The following RUFY4 variants were observed in gnomAD, a reference collection of about 807,000 sequenced individuals.
The protein encoded by RUFY4 is RUN and FYVE domain-containing protein 4.
A neutral mutation model predicts 69.0 loss-of-function variants in RUFY4; 73 were observed. The ratio of observed to expected loss-of-function variants is 1.06; its 90% CI spans 0.88 to 1.29. The LOEUF is 1.29. Among genes scored for constraint, RUFY4 ranks in the 50% most tolerant of loss-of-function variants. The pLI is 0.00. For missense variants in RUFY4, 770 were observed against 705.6 expected, an observed-to-expected ratio of 1.09 and a Z score of -1.03; for synonymous variants, 287 against 271.8, an observed-to-expected ratio of 1.06 and a Z score of -0.55.
chr2:218,067,880 G>A (rs151332912), upstream of RUFY4, among the ~76,000 whole-genome samples: 1 of 152,318 alleles, frequency 6.6e-6, no homozygotes, highest in African/African-American at 2.4e-5. Context: ...AGCTGGCTGT[G>A]TGGGAGGTGG....
chr2:218,072,615 TA>T, intron 3 of RUFY4, 116 bp downstream of exon 5: 2 of 1,421,612 alleles, frequency 1.4e-6, no homozygotes, highest in South Asian at 1.4e-5. Context: ...GCATGTCTCC[TA>T]AGCCCTGCCC....
At position 218,057,078 on chromosome 2, in the gene RUFY4, C is replaced by CAA. The variant is rs1026307473; in HGVS notation, c.-1157-1502_-1157-1501dup. ...TGGGCAACAGAGTGAGACTCTATCT[C>CAA]AAAAAAAAAAAAAAAAGAGAGAGAG... On this transcript the variant is annotated intron_variant and NMD_transcript_variant, in intron 2 of 13. Coordinates refer to the RUFY4 transcript ENST00000457754. Among the ~76,000 whole-genome samples the CAA allele has an allele frequency of 8.8e-5, 11 of 124,402 alleles. 1 individual carries two copies. The highest frequency in any genetic ancestry group is 2.4e-4 in the African/African-American group (8 of 33,404). 81.6% of individuals were successfully genotyped at this position (124,402 alleles called of 152,430 possible). A position where few individuals can be genotyped will look rare whatever the true frequency, so the allele number is the denominator to read the frequency against.
chr2:218,082,327 A>G (rs1043904948), intron 8 of RUFY4, among the ~76,000 whole-genome samples: 8 of 152,176 alleles, frequency 5.3e-5, no homozygotes, highest in Admixed American at 6.5e-5. Flanking sequence ...CCTTCCACAC[A>G]CAATTATTTC....
At chr2:218,063,066 C>T (rs74756812) in intron 3 of RUFY4, among the ~76,000 whole-genome samples, 2,649 of 152,338 alleles carry the variant, frequency 0.017, 36 homozygotes, top group Non-Finnish European at 0.027. Context: ...GGAGAGATCC[C>T]GCTCTGGGGA....
At chr2:218,060,623 AG>A in intron 3 of RUFY4, 1 of 1,351,768 alleles carries the variant, frequency 7.4e-7, no homozygotes. Flanking sequence ...ACCAGGTTGT[AG>A]GGCAGCCAGC....
In RUFY4 at chr2:218,073,338, T is replaced by A; in HGVS notation, c.482T>A (p.Leu161Ter). ...GCTCTCAATGGGGTGGCCTTCGAGT[T>A]GGACCTCCAGCAGCCAGACCTGGAT... is the stretch of plus-strand genomic sequence containing the variant. The change falls in exon 5 of 11, where the codon TTG becomes TAG. Residue 161 changes from leucine to a stop codon, truncating the protein, a stop_gained. Coordinates refer to ENST00000344321, the Ensembl canonical transcript of RUFY4. LOFTEE classifies it high-confidence loss of function. 6.3e-7 allele frequency: 1 copy of A among 1,585,620 alleles called. No individual in the cohort carries two copies. The highest frequency in any genetic ancestry group is 8.6e-7 in the Non-Finnish European group (1 of 1,165,598).
At chr2:218,085,924 A>G (rs542374662) in intron 9 of RUFY4, among the ~76,000 whole-genome samples, 1 of 152,216 alleles carries the variant, frequency 6.6e-6, no homozygotes, top group Non-Finnish European at 1.5e-5. Context: ...TTTCTTACAC[A>G]TAAAATGACA....
At chr2:218,089,291 T>C in exon 10 of RUFY4, 1 of 1,613,938 alleles carries the variant, frequency 6.2e-7, no homozygotes, top group Non-Finnish European at 8.5e-7. Flanking sequence ...AGCATCTCTC[T>C]TCCATGGCTC....
chr2:218,072,911 C>T (rs952764772), intron 4 of RUFY4, 26 bp downstream of exon 6: 1 of 1,479,992 alleles, frequency 6.8e-7, no homozygotes, highest in African/African-American at 1.4e-5. Flanking sequence ...CATCCTCCTG[C>T]CGATGCCATC....
chr2:218,036,597 G>C (rs1958983454), intron 2 of RUFY4, among the ~76,000 whole-genome samples: 1 of 152,206 alleles, frequency 6.6e-6, no homozygotes, highest in African/African-American at 2.4e-5. Context: ...GGTTTGATGT[G>C]ACAGAACCAA....
chr2:218,083,292 G>C (rs757857138), intron 9 of RUFY4, 36 bp downstream of exon 11: 2 of 1,546,932 alleles, frequency 1.3e-6, no homozygotes, highest in African/African-American at 2.7e-5. Flanking sequence ...GGAAACAGAT[G>C]GGGGAACGGT....
chr2:218,075,505 A>C, exon 7 of RUFY4: 1 of 1,578,264 alleles, frequency 6.3e-7, no homozygotes, highest in Non-Finnish European at 8.6e-7. Flanking sequence ...AAGGAAGCAG[A>C]GTGGAGTCAC....
intron 5 of RUFY4, 87 bp downstream of exon 7, chr2:218,073,473 C>A: frequency 6.6e-7 from 1 of 1,510,388 alleles, no homozygotes; most frequent in Admixed American, 2.0e-5. Flanking sequence ...AAGCCCTCAG[C>A]CTCCAGCCCC....
At chr2:218,082,872 A>T (rs1689795748) in intron 8 of RUFY4, among the ~76,000 whole-genome samples, 1 of 16,126 alleles carries the variant, frequency 6.2e-5, no homozygotes, top group Admixed American at 6.9e-4. Flanking sequence ...TAGCATTGTA[A>T]GTGTGTCTTC....
At chr2:218,050,596 C>T (rs1214492836) in intron 2 of RUFY4, among the ~76,000 whole-genome samples, 4 of 152,246 alleles carry the variant, frequency 2.6e-5, no homozygotes, top group Non-Finnish European at 4.4e-5. Context: ...ACAAAATCCA[C>T]AGCATTTCAT....
chr2:218,076,981 C>G (rs1052670911), intron 8 of RUFY4, among the ~76,000 whole-genome samples: 2 of 152,206 alleles, frequency 1.3e-5, no homozygotes, highest in African/African-American at 4.8e-5. Context: ...CTCATAATCA[C>G]AGCTATCATT....
At chr2:218,073,094 G>A in intron 4 of RUFY4, 149 bp from the exon 7 acceptor site, 1 of 1,124,282 alleles carries the variant, frequency 8.9e-7, no homozygotes, top group Non-Finnish European at 1.2e-6. Context: ...TCCTGCTCCT[G>A]AAGGGCCACA....
rs1689508459 is a variant in RUFY4 at position 218,072,358 on chromosome 2, C to T, written c.154-16C>T. 6.5e-7 allele frequency: 1 copy of T among 1,536,936 alleles called. No individual in the cohort carries two copies. Among genetic ancestry groups the T allele is most frequent in the Non-Finnish European group, 8.7e-7 (1 of 1,146,726 alleles). Reference sequence around the variant, plus strand: ...GGAAGCATTTCTACACTTTCTTTGCCTCATTTTGGTTCTAGTTTGACCAGA... The same window carrying T: ...GGAAGCATTTCTACACTTTCTTTGCTTCATTTTGGTTCTAGTTTGACCAGA... On this transcript the variant is annotated splice_polypyrimidine_tract_variant and intron_variant, in intron 2 of 10. Transcript: ENST00000344321.
At chr2:218,071,225 C>T (rs910999026) in intron 2 of RUFY4, among the ~76,000 whole-genome samples, 4 of 152,170 alleles carry the variant, frequency 2.6e-5, no homozygotes, top group Admixed American at 2.0e-4. Context: ...CAGACTTCAG[C>T]CTCTATATGC....
Sources: allele counts gnomAD v4.1 joint callset (sites outside exome capture counted in the v4.1 genomes callset), GRCh38; gene constraint gnomAD v4.1.1; transcripts MANE v1.5; gene names NCBI Gene and HGNC (gene_info 2026-07-23, HGNC 2026-07-21).